The following KCNS3 variants were observed in gnomAD, a reference collection of about 807,000 sequenced individuals.
KCNS3 encodes the protein delayed-rectifier potassium channel regulatory subunit KCNS3.
A neutral mutation model predicts 31.0 loss-of-function variants in KCNS3; 13 were observed. The ratio of observed to expected loss-of-function variants is 0.42; its 90% CI spans 0.27 to 0.67. KCNS3 has a LOEUF of 0.67. Ranked by LOEUF, KCNS3 falls within the 30% of genes least tolerant of loss-of-function variation. KCNS3 has a pLI of 0.25. For synonymous variants in KCNS3, 238 were observed against 241.5 expected (o/e 0.99, Z 0.13); for missense variants, 545 against 622.4 (o/e 0.88, Z 1.32).
At chr2:17,900,431 C>G (rs1301503000) in intron 1 of KCNS3, among the ~76,000 whole-genome samples, 1 of 151,892 alleles carries the variant, frequency 6.6e-6, no homozygotes, top group African/African-American at 2.4e-5. Flanking sequence ...TCTGAGCAGA[C>G]CAAACAAGTG....
intron 1 of KCNS3, among the ~76,000 whole-genome samples, chr2:17,906,502 G>C (rs1269285472): frequency 1.3e-5 from 2 of 152,092 alleles, no homozygotes; most frequent in Non-Finnish European, 2.9e-5. Flanking sequence ...CCTTCTGCTA[G>C]CTTTTGAATG....
In KCNS3 at chr2:17,886,409, C is replaced by A. The variant is rs527274909; in HGVS notation, c.-252+7603C>A. Among the ~76,000 whole-genome samples, 100 of 152,132 alleles carry A rather than the reference C, an allele frequency of 6.6e-4. 1 individual carries two copies. The highest frequency in any genetic ancestry group is 4.4e-5 in the Non-Finnish European group (3 of 68,016). On this transcript the variant is annotated intron_variant, in intron 1 of 2. Transcript: ENST00000304101. ...GTTGTAGCAAAGGCATTTCATTATT[C>A]TTGTCTTTGAGTTCAGACAAAACAC...
At position 17,932,448 on chromosome 2, in the gene KCNS3, T is replaced by C. The variant is rs1176427453; in HGVS notation, c.1440T>C (p.Cys480=). Residue 480 remains cysteine (C), a synonymous_variant, in exon 3 of 3, where the codon TGT becomes TGC. Transcript: ENST00000304101. ...ASSIEDNEDI[C]NTTSLENCTA... ...GCATTGAAGACAATGAGGACATTTG[T>C]AACACCACCTCCTTGGAGAATTGCA... 6.2e-7 allele frequency: 1 copy of C among 1,613,464 alleles called. No homozygotes were observed. The highest frequency in any genetic ancestry group is 8.5e-7 in the Non-Finnish European group (1 of 1,179,744).
chr2:17,889,872 C>T (rs1416377221), intron 1 of KCNS3, among the ~76,000 whole-genome samples: 17 of 151,942 alleles, frequency 1.1e-4, no homozygotes, highest in East Asian at 3.9e-4. Context: ...TCAAGGATAT[C>T]GGTCTGTAGT....
At chr2:17,898,013 C>T (rs952347653) in intron 1 of KCNS3, among the ~76,000 whole-genome samples, 1 of 152,182 alleles carries the variant, frequency 6.6e-6, no homozygotes, top group South Asian at 2.1e-4. Context: ...TGTTCTTCTG[C>T]ATATGGTTAG....
chr2:17,896,537 T>TG (rs1491298673), intron 1 of KCNS3, among the ~76,000 whole-genome samples: 2 of 134,550 alleles, frequency 1.5e-5, no homozygotes, highest in East Asian at 4.2e-4. Context: ...CCTTAGACTC[T>TG]TTTTTTTTTT....
chr2:17,890,863 A>G, intron 1 of KCNS3, among the ~76,000 whole-genome samples: 1 of 152,104 alleles, frequency 6.6e-6, no homozygotes, highest in South Asian at 2.1e-4. Flanking sequence ...TCTATCTTGG[A>G]GAAAGTTCCA....
intron 1 of KCNS3, among the ~76,000 whole-genome samples, chr2:17,894,298 G>C (rs2125236784): frequency 6.6e-6 from 1 of 152,202 alleles, no homozygotes; most frequent in South Asian, 2.1e-4. Context: ...GAAGGGAGGA[G>C]ATGAGTTTTC....
intron 1 of KCNS3, among the ~76,000 whole-genome samples, chr2:17,880,780 A>G (rs1406265835): frequency 6.6e-6 from 1 of 152,212 alleles, no homozygotes; most frequent in Non-Finnish European, 1.5e-5. Context: ...ACTGAGTATC[A>G]TCATCTTCTT....
intron 1 of KCNS3, among the ~76,000 whole-genome samples, chr2:17,897,560 G>A (rs983814425): frequency 4.6e-5 from 7 of 152,180 alleles, no homozygotes; most frequent in Admixed American, 4.6e-4. Context: ...GTGATGATGA[G>A]CATTTTTTCA....
intron 1 of KCNS3, among the ~76,000 whole-genome samples, chr2:17,888,805 G>C (rs565402118): frequency 1.3e-4 from 19 of 151,368 alleles, no homozygotes; most frequent in Admixed American, 9.2e-4. Context: ...TTTTATACCG[G>C]TACCATGCTG....
Position 17,931,545 on chromosome 2 carries a change from G to C in KCNS3, c.537G>C (p.Ala179=). 7 of 1,614,164 alleles carry C rather than the reference G, an allele frequency of 4.3e-6. No individual in the cohort carries two copies. The highest frequency in any genetic ancestry group is 5.9e-6 in the Non-Finnish European group (7 of 1,180,028). The change falls in exon 3 of 3, where the codon GCG becomes GCC. Residue 179 remains alanine (A), a synonymous_variant. Coordinates refer to ENST00000304101, the MANE Select transcript of KCNS3 (RefSeq NM_002252.5). This position sits in a 1 kb window ranked among gnomAD's most constrained non-coding sequence, Gnocchi z 5.4. ...KKIWIRMENP[A]YCLSAKLIAI... is the part of the protein sequence containing the mutation. ...TCTGGATTAGAATGGAGAATCCAGC[G>C]TACTGCCTGTCCGCTAAGCTTATCG...
At chr2:17,889,963 T>G (rs1661807144) in intron 1 of KCNS3, among the ~76,000 whole-genome samples, 1 of 152,200 alleles carries the variant, frequency 6.6e-6, no homozygotes, top group Non-Finnish European at 1.5e-5. Flanking sequence ...GAGGATTCCT[T>G]CTTTCTCTAT....
chr2:17,888,629 G>GTATATCTATATCTATCTATATATA (rs35102585), intron 1 of KCNS3, among the ~76,000 whole-genome samples: 1 of 92,408 alleles, frequency 1.1e-5, no homozygotes, highest in East Asian at 5.4e-4. Context: ...TAAAAAAAAT[G>GTATATCTATATCTATCTATATATA]TATATATATA....
intron 2 of KCNS3, among the ~76,000 whole-genome samples, chr2:17,929,086 T>G (rs985952646): frequency 6.6e-6 from 1 of 152,208 alleles, no homozygotes; most frequent in Non-Finnish European, 1.5e-5. Flanking sequence ...ACTTGTTGAT[T>G]AAGACCCTTT....
At chr2:17,887,484 G>GTTCTATCT (rs1553341247) in intron 1 of KCNS3, among the ~76,000 whole-genome samples, 23 of 146,242 alleles carry the variant, frequency 1.6e-4, no homozygotes, top group Non-Finnish European at 2.7e-4. Flanking sequence ...TCTATCATAT[G>GTTCTATCT]ATCTATCTAT....
At chr2:17,917,909 C>T (rs926889578) in intron 2 of KCNS3, 38 bp downstream of exon 2, 5 of 152,616 alleles carry the variant, frequency 3.3e-5, no homozygotes, top group African/African-American at 9.7e-5. Context: ...CTCAAGCACC[C>T]ATTATTTATC....
chr2:17,906,244 G>T (rs1264414322), intron 1 of KCNS3, among the ~76,000 whole-genome samples: 1 of 152,226 alleles, frequency 6.6e-6, no homozygotes, highest in Non-Finnish European at 1.5e-5. Flanking sequence ...TAGTTTATTT[G>T]CATAGAGATG....
chr2:17,931,787 T>G lies in KCNS3; in HGVS notation c.779T>G (p.Phe260Cys), dbSNP rs781500434. 1.9e-6 allele frequency: 3 copies of G among 1,614,036 alleles called. No homozygotes were observed. The highest frequency in any genetic ancestry group is 2.5e-6 in the Non-Finnish European group (3 of 1,180,008). The change falls in exon 3 of 3, where the codon TTT (phenylalanine) becomes TGT (cysteine). Residue 260 changes from phenylalanine to cysteine, a missense_variant. Physicochemically the swap from Phe to Cys is radical, Grantham distance 205. Transcript: ENST00000304101. This position sits in a 1 kb window ranked among gnomAD's most constrained non-coding sequence, Gnocchi z 5.4. ...FWKNPLNIID[F>C]VSIIPFYATL... ...AAAAACCCTCTGAACATCATTGACT[T>G]TGTCTCTATTATTCCCTTCTATGCC... is the stretch of plus-strand genomic sequence containing the variant.
Sources: gnomAD v4.1 joint callset for allele counts (sites outside exome capture counted in the v4.1 genomes callset) on GRCh38, gnomAD v4.1.1 for gene constraint, Gnocchi (gnomAD v3.1) non-coding constraint, MANE v1.5 for transcripts, NCBI Gene and HGNC (gene_info 2026-07-23, HGNC 2026-07-21) for gene names.